The following AOX1 variants were observed in gnomAD, a reference collection of about 807,000 sequenced individuals.
AOX1 encodes the protein aldehyde oxidase 1, also known as aldehyde oxidase.
AOX1 carries 153 observed loss-of-function variants against 169.5 expected under a neutral mutation model. That is an observed-to-expected ratio of 0.90 (90% confidence interval 0.79 to 1.03). The LOEUF is 1.03. Ranked by LOEUF, AOX1 falls within the 50% of genes least tolerant of loss-of-function variation. AOX1 has a pLI of 0.00. For missense variants in AOX1, 1,656 were observed against 1,663.9 expected (o/e 1.00, Z 0.08); for synonymous variants, 562 against 581.9 (o/e 0.97, Z 0.49).
chr2:200,668,195 TC>T (rs369970528), intron 32 of AOX1, among the ~76,000 whole-genome samples: 168 of 151,990 alleles, frequency 1.1e-3, no homozygotes, highest in African/African-American at 4.0e-3. Context: ...AACCTCCGCC[TC>T]CCAGGTTCAA....
chr2:200,663,572 A>ACACACACACACT (rs1286010281), intron 31 of AOX1, among the ~76,000 whole-genome samples: 3 of 105,058 alleles, frequency 2.9e-5, no homozygotes, highest in African/African-American at 1.1e-4. Context: ...ACACACACAC[A>ACACACACACACT]CTCTCTCTCT....
chr2:200,617,481 CAAAAAAAAAAAAAAA>C (rs35035526), intron 16 of AOX1, among the ~76,000 whole-genome samples: 6 of 58,192 alleles, frequency 1.0e-4, no homozygotes, highest in Admixed American at 3.9e-4. Flanking sequence ...CAACTAACTG[CAAAAAAAAAAAAAAA>C]AAAAAAAAAA....
At chr2:200,613,781 A>G (rs773856460) in intron 14 of AOX1, 23 bp from the exon 15 acceptor site, 4 of 1,606,262 alleles carry the variant, frequency 2.5e-6, no homozygotes, top group Non-Finnish European at 3.4e-6. Flanking sequence ...TCAGGCTAGG[A>G]GTCTTCTCTT....
chr2:200,609,195 A>G (rs1383729421), intron 11 of AOX1, 60 bp downstream of exon 11: 2 of 1,600,590 alleles, frequency 1.2e-6, no homozygotes, highest in Admixed American at 3.4e-5. Context: ...TCCCTGATGA[A>G]TCATGACATT....
rs2035990042 is a variant in AOX1, at chr2:200,669,630, A to G, written c.3854A>G (p.Asp1285Gly). 2 of 1,613,922 alleles carry G rather than the reference A, an allele frequency of 1.2e-6. No homozygotes were observed. Among genetic ancestry groups the G allele is most frequent in the Non-Finnish European group, 8.5e-7 (1 of 1,180,020 alleles). Residue 1285 changes from aspartate to glycine, a missense_variant, in exon 34 of 35, where the codon GAC becomes GGC. Coordinates refer to ENST00000374700, the MANE Select transcript of AOX1 (RefSeq NM_001159.4). ...LGCSVFFAIH[D>G]AVSAARQERG... ...TGTTCCGTGTTTTTCGCTATCCATG[A>G]CGCAGTGAGTGCAGCACGACAGGAG...
intron 5 of AOX1, 117 bp downstream of exon 5, chr2:200,599,863 G>A (rs1366688852): frequency 1.4e-5 from 11 of 775,566 alleles, no homozygotes; most frequent in African/African-American, 1.8e-5. Context: ...TGGCCCCACT[G>A]TAACCTCCGC....
chr2:200,624,032 A>G lies in AOX1; in HGVS notation c.2124+49A>G, dbSNP rs778317560. Reference sequence around the variant, plus strand: ...GTGCCAGTTGGGAGCCAGAACAAATATCAGTTAAAATGCTTTTGGCTACTG... The same window carrying G: ...GTGCCAGTTGGGAGCCAGAACAAATGTCAGTTAAAATGCTTTTGGCTACTG... On this transcript the variant is annotated intron_variant, in intron 19 of 34. Coordinates refer to ENST00000374700, the MANE Select transcript of AOX1 (RefSeq NM_001159.4). 8 of 1,608,152 alleles carry G rather than the reference A, an allele frequency of 5.0e-6. No individual in the cohort carries two copies. The South Asian group carries it at 7.7e-5, about 16-fold the overall frequency.
At chr2:200,624,767 A>T (rs6745304) in intron 19 of AOX1, among the ~76,000 whole-genome samples, 1 of 151,934 alleles carries the variant, frequency 6.6e-6, no homozygotes, top group Non-Finnish European at 1.5e-5. Context: ...AAATGATAGG[A>T]TGTTCTCTTG....
intron 27 of AOX1, 47 bp downstream of exon 27, chr2:200,656,984 C>T: frequency 1.5e-6 from 2 of 1,315,540 alleles, no homozygotes; most frequent in Non-Finnish European, 2.1e-6. Context: ...GCTTATAGAT[C>T]TGTTCATGAG....
intron 31 of AOX1, among the ~76,000 whole-genome samples, chr2:200,664,025 C>T (rs370431005): frequency 6.6e-6 from 1 of 152,182 alleles, no homozygotes; most frequent in Non-Finnish European, 1.5e-5. Flanking sequence ...TAACCTCGCA[C>T]TAGGGCAAAA....
intron 23 of AOX1, among the ~76,000 whole-genome samples, chr2:200,638,578 T>A (rs1164328952): frequency 2.0e-5 from 3 of 152,144 alleles, no homozygotes; most frequent in African/African-American, 7.2e-5. Context: ...AAAACGTGAG[T>A]GTGTACGCCA....
rs562762785 is a variant in AOX1 at position 200,624,404 on chromosome 2, G to A, written c.2124+421G>A. On this transcript the variant is annotated intron_variant, in intron 19 of 34. Coordinates refer to ENST00000374700, the MANE Select transcript of AOX1 (RefSeq NM_001159.4). The stretch of plus-strand genomic sequence containing the variant: ...TGGTTACTTCTAGGGGTAGGAGTTG[G>A]GGTCAGGTTTCTCTGAAGTAAGTGG... Among the ~76,000 whole-genome samples, 3 of 152,292 alleles carry A rather than the reference G, an allele frequency of 2.0e-5. No individual in the cohort carries two copies. In the South Asian group the frequency reaches 6.2e-4, roughly 32 times the overall value.
intron 10 of AOX1, among the ~76,000 whole-genome samples, chr2:200,606,587 C>T (rs1322620156): frequency 1.3e-5 from 2 of 152,294 alleles, no homozygotes; most frequent in Non-Finnish European, 2.9e-5. Flanking sequence ...TGGCCATTTT[C>T]ATGGTATTGA....
In AOX1 at chr2:200,612,742, T is replaced by G. The variant is rs954287783; in HGVS notation, c.1397T>G (p.Val466Gly). Residue 466 changes from valine to glycine, a missense_variant, in exon 14 of 35, where the codon GTT becomes GGT. Val to Gly is a moderately radical substitution (Grantham distance 109). Transcript: ENST00000374700. ...GAGTTATGCATCTCATATGGAGGCG[T>G]TGGTCCAGCCACCATCTGTGCCAAG... ...IRELCISYGGVGPATICAKNS... is the reference protein window; with the variant it reads ...IRELCISYGGGGPATICAKNS... 1.2e-6 allele frequency: 2 copies of G among 1,613,874 alleles called. No individual in the cohort carries two copies. The highest frequency in any genetic ancestry group is 1.7e-6 in the Non-Finnish European group (2 of 1,179,950).
intron 16 of AOX1, among the ~76,000 whole-genome samples, chr2:200,616,337 G>A (rs17533070): frequency 0.03 from 4,581 of 152,350 alleles, 107 homozygotes; most frequent in Non-Finnish European, 0.044. Context: ...AGACACGCAT[G>A]AGATGGCCAC....
chr2:200,646,591 A>G (rs1381242635), intron 25 of AOX1, among the ~76,000 whole-genome samples: 1 of 152,152 alleles, frequency 6.6e-6, no homozygotes, highest in East Asian at 1.9e-4. Flanking sequence ...TCCAAGGTAT[A>G]GTTTAAATCC....
chr2:200,676,832 C>A (rs1044740729), intron 4 of AOX1: 3 of 452,422 alleles, frequency 6.6e-6, no homozygotes, highest in Admixed American at 5.1e-5. Context: ...GAAGCAGATA[C>A]AAATGGCCCC....
chr2:200,616,060 C>T lies in AOX1; in HGVS notation c.1701C>T (p.Tyr567=). The change falls in exon 16 of 35, where the codon TAC becomes TAT. Residue 567 remains tyrosine (Y), a synonymous_variant. Transcript: ENST00000374700. ...HSKHHCSTLK[Y]QNIGPKQHPE... ...AACATCACTGCAGTACATTAAAGTACCAGGTGAGCGGTATTTCTTGTTTTT... is the reference window on the plus strand; with the variant it reads ...AACATCACTGCAGTACATTAAAGTATCAGGTGAGCGGTATTTCTTGTTTTT... 1.2e-6 allele frequency: 2 copies of T among 1,607,156 alleles called. No individual in the cohort carries two copies. Among genetic ancestry groups the T allele is most frequent in the African/African-American group, 1.3e-5 (1 of 74,824 alleles).
intron 20 of AOX1, among the ~76,000 whole-genome samples, chr2:200,631,457 C>A (rs1467786638): frequency 6.6e-6 from 1 of 152,218 alleles, no homozygotes; most frequent in Admixed American, 6.5e-5. Flanking sequence ...TCCTGCTGGG[C>A]ATGGTACAGA....
Sources: gnomAD v4.1 joint callset for allele counts (sites outside exome capture counted in the v4.1 genomes callset) on GRCh38, gnomAD v4.1.1 for gene constraint, MANE v1.5 for transcripts, NCBI Gene and HGNC (gene_info 2026-07-23, HGNC 2026-07-21) for gene names.